The following GPM6A variants were observed in gnomAD, a reference collection of about 807,000 sequenced individuals.
The protein encoded by GPM6A is neuronal membrane glycoprotein M6-a.
GPM6A carries 7 observed loss-of-function variants against 32.1 expected under a neutral mutation model. The ratio of observed to expected loss-of-function variants is 0.22; its 90% confidence interval spans 0.12 to 0.41. The LOEUF is 0.41. GPM6A is among the 10% of genes least tolerant of loss of function. GPM6A has a pLI of 1.00. For missense variants in GPM6A, 235 were observed against 347.2 expected, an observed-to-expected ratio of 0.68 and a Z score of 2.57; for synonymous variants, 130 against 123.4, an observed-to-expected ratio of 1.05 and a Z score of -0.35.
intron 2 of GPM6A, among the ~76,000 whole-genome samples, chr4:175,683,697 C>G (rs1743811598): frequency 6.6e-6 from 1 of 152,090 alleles, no homozygotes; most frequent in South Asian, 2.1e-4. Context: ...TGCTCCTGCT[C>G]TGGCCATGTG....
At chr4:175,865,297 G>A (rs1736698237) in intron 1 of GPM6A, among the ~76,000 whole-genome samples, 1 of 152,176 alleles carries the variant, frequency 6.6e-6, no homozygotes, top group African/African-American at 2.4e-5. Context: ...CCACTGTTCT[G>A]TATTCTAACA....
chr4:175,881,329 A>G (rs1443816295), intron 1 of GPM6A, among the ~76,000 whole-genome samples: 1 of 152,216 alleles, frequency 6.6e-6, no homozygotes, highest in Non-Finnish European at 1.5e-5. Flanking sequence ...GCGATCATTA[A>G]AAAGTCAGGA....
Position 175,896,012 on chromosome 4 carries a change from C to T in GPM6A, c.-22-83763G>A, listed in dbSNP as rs868709833. 3.3e-5 allele frequency among the ~76,000 whole-genome samples: 5 copies of T among 152,264 alleles called. No homozygotes were observed. The Middle Eastern group carries it at 0.01, about 311-fold the overall frequency. ...CTTTACTAAGCAAAGTTGCTGTTAA[C>T]ATCTGGTTGTTAAAATATAATTTGT... On this transcript the variant is annotated intron_variant, in intron 1 of 7. Transcript: ENST00000280187.
intron 1 of GPM6A, among the ~76,000 whole-genome samples, chr4:175,738,970 T>C (rs1275653230): frequency 2.6e-5 from 4 of 152,192 alleles, no homozygotes; most frequent in Non-Finnish European, 1.5e-5. Context: ...TAGTAGTCTT[T>C]GCTTTCATGA....
intron 1 of GPM6A, among the ~76,000 whole-genome samples, chr4:175,915,139 A>G (rs751251433): frequency 2.6e-5 from 4 of 152,216 alleles, no homozygotes; most frequent in Non-Finnish European, 5.9e-5. Flanking sequence ...ATGAAAATCA[A>G]ATGTTATTTA....
At chr4:175,886,539 G>A (rs573539548) in intron 1 of GPM6A, among the ~76,000 whole-genome samples, 9 of 151,996 alleles carry the variant, frequency 5.9e-5, no homozygotes, top group African/African-American at 1.4e-4. Context: ...GTCCTTCTAC[G>A]GTCCAGAATC....
At chr4:175,948,451 A>G (rs1739686025) in intron 1 of GPM6A, among the ~76,000 whole-genome samples, 1 of 152,200 alleles carries the variant, frequency 6.6e-6, no homozygotes, top group African/African-American at 2.4e-5. Flanking sequence ...TTGGACCCCC[A>G]GCATCCAGAA....
intron 2 of GPM6A, among the ~76,000 whole-genome samples, chr4:175,686,001 C>A (rs531648234): frequency 6.6e-6 from 1 of 152,124 alleles, no homozygotes; most frequent in Non-Finnish European, 1.5e-5. Context: ...CTTTTTGTCT[C>A]GTCCACATAT....
At chr4:175,786,729 C>T (rs1240722269) in intron 1 of GPM6A, 2 of 152,356 alleles carry the variant, frequency 1.3e-5, no homozygotes, top group African/African-American at 4.8e-5. Context: ...CATTCTATGG[C>T]TTTTCCCTTG....
intron 1 of GPM6A, among the ~76,000 whole-genome samples, chr4:175,935,209 T>C (rs1019223353): frequency 3.9e-5 from 6 of 152,176 alleles, no homozygotes; most frequent in Non-Finnish European, 8.8e-5. Flanking sequence ...CAATCTGGAA[T>C]TACCTGTTCT....
At chr4:175,840,899 G>T (rs1379936442) in intron 1 of GPM6A, among the ~76,000 whole-genome samples, 1 of 152,114 alleles carries the variant, frequency 6.6e-6, no homozygotes, top group Non-Finnish European at 1.5e-5. Context: ...CATTAATTGA[G>T]TTCCCGTTGG....
upstream of GPM6A, chr4:175,812,559 G>A (rs1734973228): frequency 1.9e-6 from 2 of 1,050,744 alleles, no homozygotes; most frequent in Non-Finnish European, 1.1e-6. Flanking sequence ...GGGAAATTTG[G>A]TCTGAATCCC....
At chr4:175,662,973 T>G (rs986738500) in intron 3 of GPM6A, among the ~76,000 whole-genome samples, 12 of 152,164 alleles carry the variant, frequency 7.9e-5, no homozygotes, top group African/African-American at 2.7e-4. Flanking sequence ...AGAACATAAG[T>G]GACAGAGTAA....
intron 1 of GPM6A, among the ~76,000 whole-genome samples, chr4:175,948,015 C>CTAGCAATAGCAATAGCAA (rs371607987): frequency 2.6e-5 from 4 of 151,930 alleles, no homozygotes; most frequent in Admixed American, 2.0e-4. Flanking sequence ...AACATAGCAC[C>CTAGCAATAGCAATAGCAA]TAGCAATAGC....
At chr4:175,730,067 C>A (rs1042625553) in intron 1 of GPM6A, among the ~76,000 whole-genome samples, 1 of 151,542 alleles carries the variant, frequency 6.6e-6, no homozygotes, top group Non-Finnish European at 1.5e-5. Context: ...TGGCTTCCAA[C>A]TATTATTGAA....
chr4:175,897,408 A>G (rs1560984505), intron 1 of GPM6A, among the ~76,000 whole-genome samples: 1 of 152,202 alleles, frequency 6.6e-6, no homozygotes, highest in East Asian at 1.9e-4. Flanking sequence ...GCCAGCTGAC[A>G]GGAAAGCCTG....
At chr4:175,999,508 G>T (rs1344107134) in intron 1 of GPM6A, among the ~76,000 whole-genome samples, 1 of 150,686 alleles carries the variant, frequency 6.6e-6, no homozygotes, top group African/African-American at 2.4e-5. Context: ...ATTGCAATTT[G>T]CCTACTTTGC....
chr4:175,637,660 TATATAATATATATAATATATATATA>T (rs1435485475), intron 6 of GPM6A, among the ~76,000 whole-genome samples: 109 of 794 alleles, frequency 0.14, 2 homozygotes, highest in East Asian at 0.49. Flanking sequence ...AAATATAAAA[TATATAATATATATAATATATATATA>T]ATATATAATA....
intron 1 of GPM6A, among the ~76,000 whole-genome samples, chr4:175,742,116 A>C (rs2111167843): frequency 6.6e-6 from 1 of 152,278 alleles, no homozygotes; most frequent in South Asian, 2.1e-4. Context: ...AAAAATATTA[A>C]ACTTTTCCTC....
Sources: allele counts gnomAD v4.1 joint callset (sites outside exome capture counted in the v4.1 genomes callset), GRCh38; gene constraint gnomAD v4.1.1; transcripts MANE v1.5; gene names NCBI Gene and HGNC (gene_info 2026-07-23, HGNC 2026-07-21).